WDR37: variants seen among roughly 807,000 people sequenced by gnomAD.
WDR37 encodes WD repeat domain 37.
Under a neutral mutation model 62.9 loss-of-function variants are expected in WDR37, and 19 were observed. The ratio of observed to expected loss-of-function variants is 0.30; its 90% CI spans 0.21 to 0.44. The LOEUF (loss-of-function observed/expected upper bound fraction) is 0.44, where lower values mean the gene tolerates loss of function less well. Ranked by LOEUF, WDR37 falls within the 20% of genes least tolerant of loss-of-function variation. WDR37 has a pLI of 1.00. For missense variants in WDR37, 474 were observed against 657.6 expected, an observed-to-expected ratio of 0.72 and a Z score of 3.05; for synonymous variants, 250 against 260.9, an observed-to-expected ratio of 0.96 and a Z score of 0.40.
In WDR37 at chr10:1,077,318, G is replaced by A. The variant is rs544825422; in HGVS notation, c.139-589G>A. On this transcript the variant is annotated intron_variant, in intron 2 of 13. Transcript: ENST00000263150. ...ACACAGGCATGAAGAGCGTGGCCTG[G>A]GCAGGAAATAAAAAGTTAATGTTTT... 1.8e-4 allele frequency among the ~76,000 whole-genome samples: 28 copies of A among 152,302 alleles called. No homozygotes were observed. In the South Asian group the frequency reaches 5.8e-3, roughly 32 times the overall value.
intron 1 of WDR37, among the ~76,000 whole-genome samples, chr10:1,064,881 C>T (rs1350044453): frequency 6.6e-6 from 1 of 152,138 alleles, no homozygotes; most frequent in African/African-American, 2.4e-5. Flanking sequence ...AGTCATGAGC[C>T]ACTGTGCCTG....
In WDR37 at chr10:1,077,485, G is replaced by A. The variant is rs141502041; in HGVS notation, c.139-422G>A. 7.4e-3 allele frequency among the ~76,000 whole-genome samples: 1,127 copies of A among 152,256 alleles called. 19 individuals carry two copies. The highest frequency in any genetic ancestry group is 0.026 in the African/African-American group (1,062 of 41,538). On this transcript the variant is annotated intron_variant, in intron 2 of 13. Transcript: ENST00000263150. ...GTGCAGTGGGTGTGGCGGGAACTCT[G>A]CAAAGGTGCCTCTTCCATGAGGGTC...
chr10:1,123,014 GA>G (rs1415809676), intron 11 of WDR37, among the ~76,000 whole-genome samples: 1 of 152,142 alleles, frequency 6.6e-6, no homozygotes, highest in Non-Finnish European at 1.5e-5. Context: ...ATAAACTGAT[GA>G]AACCTTTCTT....
chr10:1,067,065 A>G (rs904020803), intron 1 of WDR37, among the ~76,000 whole-genome samples: 2 of 152,206 alleles, frequency 1.3e-5, no homozygotes, highest in African/African-American at 4.8e-5. Context: ...TAGCCAAACC[A>G]TATCACTGCC....
chr10:1,116,331 G>T (rs562051648), intron 11 of WDR37, among the ~76,000 whole-genome samples: 2 of 151,730 alleles, frequency 1.3e-5, no homozygotes, highest in Admixed American at 6.6e-5. Context: ...CCCTCCCCGG[G>T]TCTCTGTTCT....
chr10:1,101,688 C>G (rs1295460639), intron 9 of WDR37, among the ~76,000 whole-genome samples: 2 of 152,144 alleles, frequency 1.3e-5, no homozygotes, highest in Non-Finnish European at 2.9e-5. Context: ...TTTCCAGTCT[C>G]CCGGGATTAC....
In WDR37 at chr10:1,125,100, C is replaced by A. The variant is rs1195431321; in HGVS notation, c.1353+76C>A. 4 of 1,539,646 alleles carry A rather than the reference C, an allele frequency of 2.6e-6. No homozygotes were observed. The African/African-American group carries it at 5.5e-5, about 21-fold the overall frequency. On this transcript the variant is annotated intron_variant, in intron 13 of 13. Coordinates refer to ENST00000263150, the MANE Select transcript of WDR37 (RefSeq NM_014023.4). The stretch of plus-strand genomic sequence containing the variant: ...TAGAGATATTTTACATTCTCATTTT[C>A]TTACTAAGTCTTTGCATGCTAAGTT...
chr10:1,127,669 A>G (rs547570361), intron 13 of WDR37, among the ~76,000 whole-genome samples: 2 of 151,928 alleles, frequency 1.3e-5, no homozygotes, highest in African/African-American at 4.9e-5. Flanking sequence ...TCCTGTGAAG[A>G]GCAGGCTCAT....
intron 2 of WDR37, chr10:1,074,631 A>T (rs1326664695): frequency 3.6e-6 from 3 of 827,728 alleles, no homozygotes; most frequent in Non-Finnish European, 5.2e-6. Flanking sequence ...TGTCTGCCGC[A>T]CGCGTTTGGC....
intron 8 of WDR37, 72 bp downstream of exon 8, chr10:1,093,568 A>T: frequency 8.1e-7 from 1 of 1,240,940 alleles, no homozygotes; most frequent in Non-Finnish European, 1.1e-6. Flanking sequence ...TTCCTTTCTT[A>T]TCGTAGCAGA....
At chr10:1,086,770 C>CGTGG (rs1834215206) in intron 7 of WDR37, among the ~76,000 whole-genome samples, 1 of 152,098 alleles carries the variant, frequency 6.6e-6, no homozygotes, top group Non-Finnish European at 1.5e-5. Context: ...TAATGCTGTC[C>CGTGG]ACGGAGTGAA....
At chr10:1,113,883 T>C (rs879631295) in intron 11 of WDR37, among the ~76,000 whole-genome samples, 18 of 150,400 alleles carry the variant, frequency 1.2e-4, no homozygotes, top group Non-Finnish European at 2.1e-4. Flanking sequence ...TAAACTTCAG[T>C]GGTAAAGCAG....
chr10:1,063,304 G>C (rs912186477), intron 1 of WDR37, among the ~76,000 whole-genome samples: 7 of 152,214 alleles, frequency 4.6e-5, no homozygotes, highest in Admixed American at 3.3e-4. Context: ...GACCAGGAAA[G>C]GGGCAGCCTA....
chr10:1,128,216 T>G (rs1835860967), intron 13 of WDR37, among the ~76,000 whole-genome samples: 1 of 152,248 alleles, frequency 6.6e-6, no homozygotes, highest in Non-Finnish European at 1.5e-5. Context: ...ATTCTTTGAG[T>G]GTTTCTTAAT....
rs1343001298 is a variant in WDR37 at position 1,125,174 on chromosome 10, T to C, written c.1353+150T>C. On this transcript the variant is annotated intron_variant, in intron 13 of 13. Coordinates refer to ENST00000263150, the MANE Select transcript of WDR37 (RefSeq NM_014023.4). ...ATTTAGAGTTCATAAAATTTAAAAT[T>C]GAAGAAGTAGAGTTGTACACTCAAG... 2.9e-6 allele frequency: 4 copies of C among 1,369,918 alleles called. No homozygotes were observed. The East Asian group carries it at 7.7e-5, about 27-fold the overall frequency. The allele number at this position is 1,369,918 out of a possible 1,614,324, so 84.9% of individuals were successfully genotyped here.
Position 1,105,324 on chromosome 10 carries a change from A to C in WDR37, c.1103+57A>C. ...AGTCATGAAAAAGTTCTGTGGGTTGACATGAAAACTTAATTCTAGCCTTAA... is the reference window on the plus strand; with the variant it reads ...AGTCATGAAAAAGTTCTGTGGGTTGCCATGAAAACTTAATTCTAGCCTTAA... On this transcript the variant is annotated intron_variant, in intron 11 of 13. Transcript: ENST00000263150. This position sits in a 1 kb window ranked among gnomAD's most constrained non-coding sequence, Gnocchi z 5.3. 6.4e-7 allele frequency: 1 copy of C among 1,557,868 alleles called. No homozygotes were observed. Among genetic ancestry groups the C allele is most frequent in the Non-Finnish European group, 8.7e-7 (1 of 1,143,390 alleles).
rs572075929 is a variant in WDR37 at position 1,090,742 on chromosome 10, G to C, written c.605-2710G>C. Among the ~76,000 whole-genome samples the C allele has an allele frequency of 3.9e-5, 6 of 152,306 alleles. No individual in the cohort carries two copies. In the East Asian group the frequency reaches 1.2e-3, roughly 29 times the overall value. ...TGTCCCCTTTGTTCTTCTCTCTTTA[G>C]ATTTCAGCTTAAATTTTATGACAGT... On this transcript the variant is annotated intron_variant, in intron 7 of 13. Coordinates refer to ENST00000263150, the MANE Select transcript of WDR37 (RefSeq NM_014023.4).
In WDR37 at chr10:1,105,802, C is replaced by A. The variant is rs1438376756; in HGVS notation, c.1103+535C>A. On this transcript the variant is annotated intron_variant, in intron 11 of 13. Transcript: ENST00000263150. The surrounding 1 kb of genome is among the most constrained non-coding windows in gnomAD (Gnocchi z 5.3). ...AACTCAAGTGTAAGGTCTTTTTTTTCTGAGACGGAGTCTCGCTCTGTCGCC... is the reference window on the plus strand; with the variant it reads ...AACTCAAGTGTAAGGTCTTTTTTTTATGAGACGGAGTCTCGCTCTGTCGCC... 2.6e-5 allele frequency among the ~76,000 whole-genome samples: 4 copies of A among 151,916 alleles called. No homozygotes were observed. The highest frequency in any genetic ancestry group is 5.9e-5 in the Non-Finnish European group (4 of 67,976).
At chr10:1,074,540 C>T (rs1256004247) in intron 2 of WDR37, 1 of 1,303,450 alleles carries the variant, frequency 7.7e-7, no homozygotes, top group Non-Finnish European at 1.0e-6. Context: ...CTCTGCCTTC[C>T]CCCTGCCCTG....
Sources: gnomAD v4.1 joint callset for allele counts (sites outside exome capture counted in the v4.1 genomes callset) on GRCh38, gnomAD v4.1.1 for gene constraint, Gnocchi (gnomAD v3.1) non-coding constraint, MANE v1.5 for transcripts, NCBI Gene and HGNC (gene_info 2026-07-23, HGNC 2026-07-21) for gene names.